The following ANO3 variants were observed in gnomAD, a reference collection of about 807,000 sequenced individuals.
ANO3 encodes the protein anoctamin-3.
Under a neutral mutation model 144.8 loss-of-function variants are expected in ANO3, and 99 were observed. The observed-to-expected ratio is 0.68, with a 90% CI of 0.58 to 0.81. The LOEUF is 0.81. ANO3 is among the 30% of genes least tolerant of loss of function. The probability of loss-of-function intolerance (pLI) is 0.00; values close to 1 mark genes in which losing one functional copy is unlikely to be tolerated. For missense variants in ANO3, 905 were observed against 1,202.2 expected, an observed-to-expected ratio of 0.75 and a Z score of 3.66; for synonymous variants, 414 against 392.6, an observed-to-expected ratio of 1.05 and a Z score of -0.64.
intron 1 of ANO3, 31 bp downstream of exon 1, chr11:26,332,352 C>CG: frequency 6.2e-7 from 1 of 1,610,436 alleles, no homozygotes; most frequent in Non-Finnish European, 8.5e-7. Context: ...CCTCTCCCTG[C>CG]GGGCGTCACT....
At chr11:26,443,900 T>C in intron 3 of ANO3, 64 bp downstream of exon 3, 5 of 1,100,240 alleles carry the variant, frequency 4.5e-6, no homozygotes, top group Non-Finnish European at 6.6e-6. Context: ...TGTGTTCTTC[T>C]AAAAAAAACT....
intron 1 of ANO3, among the ~76,000 whole-genome samples, chr11:26,400,177 G>A (rs924610833): frequency 1.3e-4 from 19 of 151,990 alleles, no homozygotes; most frequent in Non-Finnish European, 2.4e-4. Context: ...CCAAAACCAT[G>A]TGAGGAAACT....
chr11:26,340,888 A>G (rs1351768283), intron 1 of ANO3, among the ~76,000 whole-genome samples: 1 of 152,138 alleles, frequency 6.6e-6, no homozygotes, highest in Non-Finnish European at 1.5e-5. Flanking sequence ...CAACTGATTC[A>G]TGTCAAACTG....
At chr11:26,404,957 G>A (rs548613699) in intron 1 of ANO3, among the ~76,000 whole-genome samples, 1,729 of 150,684 alleles carry the variant, frequency 0.011, 21 homozygotes, top group Non-Finnish European at 0.018. Context: ...GTGTGTGTGT[G>A]TGTGTGTGTG....
At chr11:26,532,703 A>G (rs145387723) in intron 8 of ANO3, among the ~76,000 whole-genome samples, 103 of 152,026 alleles carry the variant, frequency 6.8e-4, no homozygotes, top group African/African-American at 2.3e-3. Context: ...ATTGTTTGCC[A>G]TGCTCTGCCC....
chr11:26,510,002 C>T (rs749968510), intron 5 of ANO3, among the ~76,000 whole-genome samples: 51 of 151,838 alleles, frequency 3.4e-4, no homozygotes, highest in Non-Finnish European at 5.3e-4. Context: ...GTCGTGGTGG[C>T]GCGTTCCTGT....
At chr11:26,296,873 A>G (rs1218089049) in intron 1 of ANO3, among the ~76,000 whole-genome samples, 1 of 152,148 alleles carries the variant, frequency 6.6e-6, no homozygotes, top group African/African-American at 2.4e-5. Flanking sequence ...TGAGCCTTTG[A>G]GTATCAGGAA....
At chr11:26,365,973 TATATATATATATATATATATATATA>T (rs1185303991) in intron 1 of ANO3, among the ~76,000 whole-genome samples, 1,046 of 53,424 alleles carry the variant, frequency 0.02, 33 homozygotes, top group Non-Finnish European at 0.026. Flanking sequence ...TATATATATA[TATATATATATATATATATATATATA>T]TATATTTTAA....
intron 18 of ANO3, among the ~76,000 whole-genome samples, chr11:26,632,111 G>A (rs747675472): frequency 6.6e-6 from 1 of 151,400 alleles, no homozygotes; most frequent in Non-Finnish European, 1.5e-5. Context: ...AGAATCTCTC[G>A]AACCCGGGAG....
chr11:26,190,946 T>C (rs1445375873), intron 1 of ANO3, among the ~76,000 whole-genome samples: 4 of 152,234 alleles, frequency 2.6e-5, no homozygotes, highest in Non-Finnish European at 5.9e-5. Context: ...TGCAGTCGCA[T>C]TTATGTGTTT....
intron 14 of ANO3, among the ~76,000 whole-genome samples, chr11:26,574,707 A>G (rs945264365): frequency 6.6e-6 from 1 of 152,170 alleles, no homozygotes; most frequent in African/African-American, 2.4e-5. Context: ...GATTATTCTC[A>G]TAAATGCTAA....
intron 1 of ANO3, among the ~76,000 whole-genome samples, chr11:26,371,289 G>T (rs1269422813): frequency 6.6e-6 from 1 of 152,226 alleles, no homozygotes; most frequent in African/African-American, 2.4e-5. Context: ...TTGGTCCAGT[G>T]GGTGCACAAA....
intron 1 of ANO3, among the ~76,000 whole-genome samples, chr11:26,262,503 T>G (rs1853212746): frequency 6.6e-6 from 1 of 152,156 alleles, no homozygotes; most frequent in African/African-American, 2.4e-5. Flanking sequence ...ATGACAATCA[T>G]TGACATTATA....
At chr11:26,306,018 G>A (rs921929719), upstream of ANO3, among the ~76,000 whole-genome samples, 4 of 151,998 alleles carry the variant, frequency 2.6e-5, no homozygotes, top group African/African-American at 7.3e-5. Flanking sequence ...GAGTGCAGTG[G>A]CGCGATCTCG....
chr11:26,613,129 A>G (rs537403908), intron 17 of ANO3, among the ~76,000 whole-genome samples: 1 of 152,124 alleles, frequency 6.6e-6, no homozygotes, highest in Non-Finnish European at 1.5e-5. Flanking sequence ...TAATCCTATA[A>G]TGGGAACATT....
chr11:26,409,349 G>A (rs765349598), intron 1 of ANO3, among the ~76,000 whole-genome samples: 1 of 151,840 alleles, frequency 6.6e-6, no homozygotes, highest in Non-Finnish European at 1.5e-5. Flanking sequence ...TAGAATAAAT[G>A]TAGTATGTTC....
chr11:26,334,325 A>G (rs1855138622), intron 1 of ANO3, among the ~76,000 whole-genome samples: 3 of 152,254 alleles, frequency 2.0e-5, no homozygotes, highest in African/African-American at 7.2e-5. Flanking sequence ...GCATTAGGAA[A>G]AAAACAGACC....
chr11:26,425,714 T>C (rs566875776), intron 1 of ANO3, among the ~76,000 whole-genome samples: 1 of 152,256 alleles, frequency 6.6e-6, no homozygotes, highest in South Asian at 2.1e-4. Context: ...TGCTTTAATA[T>C]AGAGAATCAG....
chr11:26,400,962 C>G (rs1046543521), intron 1 of ANO3, among the ~76,000 whole-genome samples: 2 of 151,750 alleles, frequency 1.3e-5, no homozygotes, highest in Non-Finnish European at 2.9e-5. Flanking sequence ...CTACTTCATC[C>G]TAAAGTTAAG....
Sources: gnomAD v4.1 joint callset for allele counts (sites outside exome capture counted in the v4.1 genomes callset) on GRCh38, gnomAD v4.1.1 for gene constraint, MANE v1.5 for transcripts, NCBI Gene and HGNC (gene_info 2026-07-23, HGNC 2026-07-21) for gene names.